The following MALAT1 variants were observed in gnomAD, a reference collection of about 807,000 sequenced individuals.
MALAT1 encodes the protein metastasis associated lung adenocarcinoma transcript 1, also known as hepcarcin.
At chr11:65,500,470 A>T (rs754849284) in exon 3 of MALAT1, 2 of 518,982 alleles carry the variant, frequency 3.9e-6, no homozygotes, top group East Asian at 5.4e-5. Context: ...CCAGTGTTTG[A>T]TGAAGCTAGG....
exon 3 of MALAT1, chr11:65,499,066 A>AG (rs1565673714): frequency 1.9e-6 from 1 of 518,140 alleles, no homozygotes; most frequent in Admixed American, 1.9e-5. Context: ...CAGCCAGCGC[A>AG]GGGGCTTCTG....
At chr11:65,506,190 A>G (rs776357860) in intron 3 of MALAT1, 4 of 435,864 alleles carry the variant, frequency 9.2e-6, no homozygotes, top group Non-Finnish European at 1.8e-5. Flanking sequence ...TTGACTACTA[A>G]TCTGTCTTCA....
exon 3 of MALAT1, chr11:65,499,493 A>C: frequency 2.1e-6 from 1 of 465,852 alleles, no homozygotes; most frequent in Non-Finnish European, 4.2e-6. Context: ...GCGATCTTTT[A>C]AAAAGAGATT....
exon 3 of MALAT1, chr11:65,503,057 G>A (rs931698482): frequency 2.0e-6 from 1 of 510,296 alleles, no homozygotes; most frequent in Non-Finnish European, 3.9e-6. Context: ...AATGAGAGAT[G>A]AGTTGGGATC....
exon 3 of MALAT1, chr11:65,502,427 T>G: frequency 2.1e-6 from 1 of 465,918 alleles, no homozygotes; most frequent in Non-Finnish European, 4.2e-6. Context: ...TGTAAGCAAG[T>G]TTTTTTTTAG....
exon 3 of MALAT1, chr11:65,503,419 A>G (rs768851482): frequency 1.9e-6 from 1 of 515,760 alleles, no homozygotes; most frequent in East Asian, 5.4e-5. Context: ...GCATCTTTAA[A>G]TAATTTCTTA....
exon 3 of MALAT1, chr11:65,500,715 C>A (rs1412505484): frequency 1.9e-6 from 1 of 518,926 alleles, no homozygotes; most frequent in Non-Finnish European, 3.8e-6. Flanking sequence ...GTAGAGGATC[C>A]TAGACCAGCA....
chr11:65,499,476 T>C (rs771531891), exon 3 of MALAT1: 1 of 465,494 alleles, frequency 2.1e-6, no homozygotes. Context: ...ATTAAAATAA[T>C]TTGAAGGCGA....
At chr11:65,503,986 A>G (rs909689594) in intron 3 of MALAT1, 1 of 516,650 alleles carries the variant, frequency 1.9e-6, no homozygotes, top group Non-Finnish European at 3.9e-6. Context: ...GACAGTGATT[A>G]GAGTAATACT....
chr11:65,503,110 G>A, exon 3 of MALAT1: 1 of 508,556 alleles, frequency 2.0e-6, no homozygotes, highest in Non-Finnish European at 3.9e-6. Context: ...TGTTTCGTTT[G>A]CCTCAGACAG....
chr11:65,500,687 G>C, exon 3 of MALAT1: 1 of 519,032 alleles, frequency 1.9e-6, no homozygotes, highest in South Asian at 1.4e-5. Flanking sequence ...ACACGGAGGA[G>C]GCGAGCAGGC....
chr11:65,500,185 T>C lies in MALAT1; in HGVS notation n.1448T>C, dbSNP rs184775772. The C allele has an allele frequency of 2.8e-4, 145 of 508,810 alleles. 1 individual carries two copies. The highest frequency in any genetic ancestry group is 2.4e-3 in the Admixed American group (116 of 49,112). The allele number at this position is 508,810 out of a possible 1,614,324, so 31.5% of individuals were successfully genotyped here. On this transcript the variant is annotated non_coding_transcript_exon_variant, in exon 3 of 4. Transcript: ENST00000619449. ...AAAGCTACTAAAAGGACTGGTGTAA[T>C]TTAAAAAAAACTAAGGCAGAAGGCT...
chr11:65,498,892 C>G (rs892106610), intron 2 of MALAT1: 22 of 518,452 alleles, frequency 4.2e-5, no homozygotes, highest in African/African-American at 3.1e-4. Context: ...GTTCCATAAG[C>G]TGTTAAGAAA....
chr11:65,498,843 A>G (rs758975646), intron 2 of MALAT1: 5 of 518,452 alleles, frequency 9.6e-6, no homozygotes, highest in Non-Finnish European at 1.9e-5. Flanking sequence ...TCCACACGCT[A>G]GTAATTTAAG....
At chr11:65,504,286 G>C (rs1449206444) in intron 3 of MALAT1, 3 of 513,118 alleles carry the variant, frequency 5.8e-6, no homozygotes, top group Non-Finnish European at 1.2e-5. Context: ...TGGGAGGAGG[G>C]GGTGGGGCTT....
exon 3 of MALAT1, chr11:65,500,447 A>G (rs775010210): frequency 1.5e-5 from 8 of 518,936 alleles, no homozygotes; most frequent in Non-Finnish European, 2.7e-5. Flanking sequence ...AGCAGCAGAC[A>G]GGATTCCAGG....
At chr11:65,505,427 TTAATAA>T (rs199697201) in intron 3 of MALAT1, 1 of 513,812 alleles carries the variant, frequency 1.9e-6, no homozygotes, top group Admixed American at 2.0e-5. Context: ...ATAGCAGCTC[TTAATAA>T]TAAAGCCCAA....
intron 1 of MALAT1, chr11:65,498,362 A>C (rs1854447759): frequency 3.9e-6 from 2 of 517,914 alleles, no homozygotes; most frequent in Admixed American, 1.9e-5. Context: ...GGGGGGCCGC[A>C]GATCAGAGTG....
exon 3 of MALAT1, chr11:65,503,104 T>G: frequency 3.9e-6 from 2 of 509,180 alleles, no homozygotes; most frequent in Non-Finnish European, 7.8e-6. Context: ...TGCCAATGTT[T>G]CGTTTGCCTC....
Sources: gnomAD v4.1 joint callset for allele counts on GRCh38, gnomAD v4.1.1 for gene constraint, MANE v1.5 for transcripts, NCBI Gene and HGNC (gene_info 2026-07-23, HGNC 2026-07-21) for gene names.